The following LINGO2 variants were observed in gnomAD, a reference collection of about 807,000 sequenced individuals.
The protein encoded by LINGO2 is leucine rich repeat and Ig domain containing 2, also known as leucine-rich repeat and immunoglobulin-like domain-containing nogo receptor-interacting protein 2.
Under a neutral mutation model 30.6 loss-of-function variants are expected in LINGO2, and 14 were observed. That is an observed-to-expected ratio of 0.46 (90% CI 0.30 to 0.72). The LOEUF is 0.72. Among genes scored for constraint, LINGO2 ranks in the 30% least tolerant of loss-of-function variants. LINGO2 has a pLI of 0.07. For missense variants in LINGO2, 729 were observed against 751.7 expected (o/e 0.97, Z 0.35); for synonymous variants, 317 against 288.5 (o/e 1.10, Z -1.00).
chr9:29,155,120 T>C, the LINGO2 span, among the ~76,000 whole-genome samples: 1 of 152,210 alleles, frequency 6.6e-6, no homozygotes, highest in African/African-American at 2.4e-5. Flanking sequence ...ATTATTATTC[T>C]GATTTCATTG....
At chr9:28,493,493 C>A (rs1340707426) in intron 1 of LINGO2, among the ~76,000 whole-genome samples, 1 of 152,192 alleles carries the variant, frequency 6.6e-6, no homozygotes, top group Non-Finnish European at 1.5e-5. Flanking sequence ...AGTACCTACT[C>A]TCTACCCATC....
chr9:29,110,838 T>G, the LINGO2 span, among the ~76,000 whole-genome samples: 35,465 of 150,644 alleles, frequency 0.24, 4,233 homozygotes, highest in East Asian at 0.4. Context: ...CTACAGGCGC[T>G]CGCCACCACG....
At chr9:28,293,483 ATGTC>A (rs1823811715) in intron 4 of LINGO2, among the ~76,000 whole-genome samples, 3 of 152,114 alleles carry the variant, frequency 2.0e-5, no homozygotes, top group African/African-American at 2.4e-5. Flanking sequence ...TAAATTGTAA[ATGTC>A]TGTTTAATGA....
the LINGO2 span, among the ~76,000 whole-genome samples, chr9:28,836,329 T>TA: frequency 6.6e-6 from 1 of 152,124 alleles, no homozygotes; most frequent in Non-Finnish European, 1.5e-5. Flanking sequence ...TATATATATA[T>TA]TTTAGATGGA....
intron 3 of LINGO2, among the ~76,000 whole-genome samples, chr9:28,295,784 G>T (rs558884453): frequency 1.3e-5 from 2 of 152,130 alleles, no homozygotes; most frequent in Admixed American, 1.3e-4. Flanking sequence ...CAGTTAGAGC[G>T]AAATCCACAA....
chr9:28,000,709 AG>A (rs1821905515), intron 5 of LINGO2, among the ~76,000 whole-genome samples: 1 of 152,206 alleles, frequency 6.6e-6, no homozygotes, highest in African/African-American at 2.4e-5. Context: ...AGTTTTTAAA[AG>A]TGGGGGCACT....
At chr9:28,293,456 C>G (rs528613891) in intron 4 of LINGO2, among the ~76,000 whole-genome samples, 1 of 152,220 alleles carries the variant, frequency 6.6e-6, no homozygotes, top group African/African-American at 2.4e-5. Context: ...TATACACAAT[C>G]AACACACAAA....
intron 2 of LINGO2, among the ~76,000 whole-genome samples, chr9:28,470,604 ATAAT>A (rs1554724601): frequency 6.6e-6 from 1 of 152,126 alleles, no homozygotes; most frequent in Non-Finnish European, 1.5e-5. Flanking sequence ...GGCTGAACAA[ATAAT>A]TAGTTTTCCC....
intron 1 of LINGO2, among the ~76,000 whole-genome samples, chr9:28,667,482 G>A (rs1052776575): frequency 1.3e-5 from 2 of 151,944 alleles, no homozygotes; most frequent in South Asian, 2.1e-4. Context: ...GGTGGCTCAC[G>A]CTTGTAATCC....
intron 3 of LINGO2, among the ~76,000 whole-genome samples, chr9:28,357,828 C>A (rs181646687): frequency 6.6e-6 from 1 of 152,044 alleles, no homozygotes; most frequent in African/African-American, 2.4e-5. Context: ...AAATTTTGTG[C>A]ATGGATTTTT....
At chr9:29,177,090 G>A in the LINGO2 span, among the ~76,000 whole-genome samples, 1 of 152,148 alleles carries the variant, frequency 6.6e-6, no homozygotes, top group Non-Finnish European at 1.5e-5. Flanking sequence ...TAAAGTATAG[G>A]TCAGCAAGTC....
the LINGO2 span, among the ~76,000 whole-genome samples, chr9:29,201,971 G>A: frequency 1.3e-5 from 2 of 151,970 alleles, no homozygotes; most frequent in African/African-American, 4.8e-5. Flanking sequence ...GTCACTGCAT[G>A]TTACCTCTTT....
At position 28,213,147 on chromosome 9, in the gene LINGO2, G is replaced by A. The variant is rs540065438; in HGVS notation, c.-87+82061C>T. Reference sequence around the variant, plus strand: ...ATGTTATTACTCACCCACTTCAACAGATTCTACTCTTGGACACTTCAAAAT... The same window carrying A: ...ATGTTATTACTCACCCACTTCAACAAATTCTACTCTTGGACACTTCAAAAT... On this transcript the variant is annotated intron_variant, in intron 4 of 5. Transcript: ENST00000379992. Among the ~76,000 whole-genome samples the A allele has an allele frequency of 9.9e-5, 15 of 151,598 alleles. No individual in the cohort carries two copies. In the South Asian group the frequency reaches 1.0e-3, roughly 10 times the overall value.
At chr9:29,053,784 A>C in the LINGO2 span, among the ~76,000 whole-genome samples, 1 of 152,114 alleles carries the variant, frequency 6.6e-6, no homozygotes, top group Non-Finnish European at 1.5e-5. Flanking sequence ...CTAAATTATT[A>C]ATACATAATG....
chr9:27,982,697 A>C (rs942178161), intron 5 of LINGO2, among the ~76,000 whole-genome samples: 1 of 151,832 alleles, frequency 6.6e-6, no homozygotes, highest in Non-Finnish European at 1.5e-5. Flanking sequence ...TCTCTGAACT[A>C]CCCTATGCTG....
At chr9:29,072,923 G>GCT in the LINGO2 span, among the ~76,000 whole-genome samples, 3 of 149,606 alleles carry the variant, frequency 2.0e-5, no homozygotes, top group African/African-American at 4.9e-5. Flanking sequence ...GCTCTCTAGC[G>GCT]CTCTCTCTCT....
the LINGO2 span, among the ~76,000 whole-genome samples, chr9:29,049,258 C>A: frequency 1.3e-5 from 2 of 152,158 alleles, no homozygotes; most frequent in African/African-American, 4.8e-5. Flanking sequence ...ATGAAAGCTA[C>A]AATGAGATAT....
intron 1 of LINGO2, among the ~76,000 whole-genome samples, chr9:28,589,965 C>A (rs1824787414): frequency 6.6e-6 from 1 of 152,064 alleles, no homozygotes; most frequent in African/African-American, 2.4e-5. Flanking sequence ...AGATATAGAC[C>A]AATGGAACAG....
chr9:28,212,420 C>T (rs1820623620), intron 4 of LINGO2, among the ~76,000 whole-genome samples: 1 of 151,440 alleles, frequency 6.6e-6, no homozygotes, highest in South Asian at 2.1e-4. Flanking sequence ...CTCTCAACTG[C>T]TATCTGCTAT....
Sources: allele counts gnomAD v4.1 joint callset (sites outside exome capture counted in the v4.1 genomes callset), GRCh38; gene constraint gnomAD v4.1.1; transcripts MANE v1.5; gene names NCBI Gene and HGNC (gene_info 2026-07-23, HGNC 2026-07-21).